CXCL16: variants seen among roughly 807,000 people sequenced by gnomAD.
CXCL16 encodes the protein C-X-C motif chemokine 16.
In CXCL16, 18 loss-of-function variants were observed where a neutral mutation model predicts 23.8. The observed-to-expected ratio is 0.76, with a 90% confidence interval of 0.52 to 1.12. CXCL16 has a LOEUF of 1.12. Among genes scored for constraint, CXCL16 ranks in the 50% most tolerant of loss-of-function variants. CXCL16 has a pLI of 0.00. For synonymous variants in CXCL16, 123 were observed against 132.5 expected (o/e 0.93, Z 0.49); for missense variants, 297 against 315.4 (o/e 0.94, Z 0.44).
chr17:4,739,613 C>G lies in CXCL16; in HGVS notation c.-274G>C. 1 of 668,246 alleles carries G rather than the reference C, an allele frequency of 1.5e-6. No individual in the cohort carries two copies. Among genetic ancestry groups the G allele is most frequent in the South Asian group, 2.2e-5 (1 of 45,498 alleles). The allele number at this position is 668,246 out of a possible 1,614,324, so 41.4% of individuals were successfully genotyped here. A position where few individuals can be genotyped will look rare whatever the true frequency, so the allele number is the denominator to read the frequency against. ...CCCTGCGCCCCCGCACTGGGCCCGG[C>G]TCCGTCGAGGGAAGGCCAGGAATCT... On this transcript the variant is annotated 5_prime_UTR_variant, in exon 1 of 6. Transcript: ENST00000293778. The surrounding 1 kb of genome is among the most constrained non-coding windows in gnomAD (Gnocchi z 5.3).
Position 4,739,365 on chromosome 17 carries a change from G to C in CXCL16, c.-26C>G, listed in dbSNP as rs777494621. The C allele has an allele frequency of 6.2e-7, 1 of 1,612,874 alleles. No homozygotes were observed. The highest frequency in any genetic ancestry group is 1.3e-5 in the African/African-American group (1 of 74,904). On this transcript the variant is annotated 5_prime_UTR_variant, in exon 1 of 6. The change creates a new upstream start codon in the 5' untranslated region. Coordinates refer to ENST00000293778, the MANE Select transcript of CXCL16 (RefSeq NM_001386809.1). This position sits in a 1 kb window ranked among gnomAD's most constrained non-coding sequence, Gnocchi z 5.3. ...CTCGGGGCTCCGCGGACTCTGCGGG[G>C]ATGGAGCCACCTCGCTCTGACTCCC...
At position 4,738,869 on chromosome 17, in the gene CXCL16, A is replaced by T. The variant is rs753268962; in HGVS notation, c.131T>A (p.Ile44Asn). The T allele has an allele frequency of 6.2e-7, 1 of 1,614,080 alleles. No homozygotes were observed. Among genetic ancestry groups the T allele is most frequent in the Non-Finnish European group, 8.5e-7 (1 of 1,179,992 alleles). The change falls in exon 2 of 6, where the codon ATT becomes AAT. Residue 44 changes from isoleucine to asparagine, a missense_variant. Transcript: ENST00000293778. This position sits in a 1 kb window ranked among gnomAD's most constrained non-coding sequence, Gnocchi z 4.0. ...VTGSCYCGKR[I>N]SSDSPPSVQF... ...AACCGATGGCGGGGAGTCGGAAGAA[A>T]TTCTTTTACCACAATAACAACTTCC...
chr17:4,737,904 G>T (rs1427929142), intron 3 of CXCL16, among the ~76,000 whole-genome samples: 2 of 151,032 alleles, frequency 1.3e-5, no homozygotes, highest in Admixed American at 1.3e-4. Flanking sequence ...GGCCGAGGCG[G>T]GTGGATCACA....
At chr17:4,736,588 C>T (rs1400210303) in intron 3 of CXCL16, among the ~76,000 whole-genome samples, 2 of 152,118 alleles carry the variant, frequency 1.3e-5, no homozygotes, top group East Asian at 3.9e-4. Context: ...GTGATATCTT[C>T]CAGCTGTAAA....
chr17:4,739,081 TA>T lies in CXCL16; in HGVS notation c.80-162del. ...ATCATCACGCCCCCGACAACATCCA[TA>T]ATCCCGCCCGGAGCCAGGCGTCCCC... On this transcript the variant is annotated intron_variant, in intron 1 of 5. Transcript: ENST00000293778. The surrounding 1 kb of genome is among the most constrained non-coding windows in gnomAD (Gnocchi z 5.3). The T allele has an allele frequency of 8.4e-7, 1 of 1,194,700 alleles. No homozygotes were observed. The highest frequency in any genetic ancestry group is 1.2e-6 in the Non-Finnish European group (1 of 863,024). The allele number at this position is 1,194,700 out of a possible 1,614,324, so 74.0% of individuals were successfully genotyped here.
rs553816451 is a variant in CXCL16 at position 4,734,592 on chromosome 17, C to T, written c.*14G>A. ...ATAAGCCACAGTTTACCCTCACAAG[C>T]TTCCATTCTTGGCTCAGGTATTAGA... On this transcript the variant is annotated 3_prime_UTR_variant, in exon 5 of 6. Transcript: ENST00000293778. 56 of 1,604,126 alleles carry T rather than the reference C, an allele frequency of 3.5e-5. No homozygotes were observed. In the South Asian group the frequency reaches 5.3e-4, roughly 15 times the overall value.
chr17:4,739,820 C>T lies in CXCL16; in HGVS notation c.-481G>A. On this transcript the variant is annotated 5_prime_UTR_variant, in exon 1 of 6. Transcript: ENST00000293778. This position sits in a 1 kb window ranked among gnomAD's most constrained non-coding sequence, Gnocchi z 5.3. Reference sequence around the variant, plus strand: ...GGCACTTTCACTTCCCCGATCCGGGCGCCGCGGGACCCAGCCGCGCTGCAT... The same window carrying T: ...GGCACTTTCACTTCCCCGATCCGGGTGCCGCGGGACCCAGCCGCGCTGCAT... 2 of 992,488 alleles carry T rather than the reference C, an allele frequency of 2.0e-6. No individual in the cohort carries two copies. Among genetic ancestry groups the T allele is most frequent in the Non-Finnish European group, 2.4e-6 (2 of 834,372 alleles). 61.5% of individuals were successfully genotyped at this position (992,488 alleles called of 1,614,324 possible).
At position 4,735,327 on chromosome 17, in the gene CXCL16, G is replaced by C. The variant is rs1417612112; in HGVS notation, c.483C>G (p.Asp161Glu). The C allele has an allele frequency of 6.2e-7, 1 of 1,612,192 alleles. No homozygotes were observed. The highest frequency in any genetic ancestry group is 8.5e-7 in the Non-Finnish European group (1 of 1,178,642). The change falls in exon 4 of 6, where the codon GAC becomes GAG. Residue 161 changes from aspartate (D) to glutamate (E), a missense_variant. By Grantham distance (45) the Asp-to-Glu change is conservative. Transcript: ENST00000293778. ...TTTCATTGGGACGAGTGAGCTCTTT[G>C]TCCGAGGACAGTGATCCTACTGGGA... ...PTLPVGSLSS[D>E]KELTRPNETT... is the part of the protein sequence containing the mutation.
intron 3 of CXCL16, among the ~76,000 whole-genome samples, chr17:4,736,845 C>CA (rs1916168021): frequency 6.6e-6 from 1 of 151,366 alleles, no homozygotes; most frequent in Non-Finnish European, 1.5e-5. Flanking sequence ...AGTTTTCTTT[C>CA]TTTTTTTTTG....
chr17:4,736,057 C>G (rs1567695166), intron 3 of CXCL16, among the ~76,000 whole-genome samples: 1 of 145,016 alleles, frequency 6.9e-6, no homozygotes, highest in Non-Finnish European at 1.5e-5. Flanking sequence ...GCAACAAGAG[C>G]GAAACTCCAT....
chr17:4,737,092 C>T (rs7220938), intron 3 of CXCL16, among the ~76,000 whole-genome samples: 61,675 of 151,732 alleles, frequency 0.41, 13,163 homozygotes, highest in East Asian at 0.6. Flanking sequence ...GCTAGGATTA[C>T]AGGAGTGAGC....
chr17:4,738,621 TG>T lies in CXCL16; in HGVS notation c.219-132del. Reference sequence around the variant, plus strand: ...TGGGACTGGGAAACTCCCCAGTAGGTGAGACGGAGTCATGAAGTTTCGGGGA... The same window carrying T: ...TGGGACTGGGAAACTCCCCAGTAGGTAGACGGAGTCATGAAGTTTCGGGGA... On this transcript the variant is annotated intron_variant, in intron 2 of 5. Coordinates refer to ENST00000293778, the MANE Select transcript of CXCL16 (RefSeq NM_001386809.1). This position sits in a 1 kb window ranked among gnomAD's most constrained non-coding sequence, Gnocchi z 4.0. The T allele has an allele frequency of 1.0e-6, 1 of 983,040 alleles. No homozygotes were observed. Among genetic ancestry groups the T allele is most frequent in the Non-Finnish European group, 1.5e-6 (1 of 659,384 alleles). The allele number at this position is 983,040 out of a possible 1,614,324, so 60.9% of individuals were successfully genotyped here.
rs1211118402 is a variant in CXCL16 at position 4,739,127 on chromosome 17, C to T, written c.79+134G>A. 10 of 1,303,850 alleles carry T rather than the reference C, an allele frequency of 7.7e-6. No individual in the cohort carries two copies. The highest frequency in any genetic ancestry group is 1.1e-5 in the Non-Finnish European group (10 of 949,340). 80.8% of individuals were successfully genotyped at this position (1,303,850 alleles called of 1,614,324 possible). A position where few individuals can be genotyped will look rare whatever the true frequency, so the allele number is the denominator to read the frequency against. ...GTCCCCGGGCCTCTGTCCCCAACCCCAGGCGGCTGGCTGGCTTTCCTCTTG... is the reference window on the plus strand; with the variant it reads ...GTCCCCGGGCCTCTGTCCCCAACCCTAGGCGGCTGGCTGGCTTTCCTCTTG... On this transcript the variant is annotated intron_variant, in intron 1 of 5. Transcript: ENST00000293778. This position sits in a 1 kb window ranked among gnomAD's most constrained non-coding sequence, Gnocchi z 5.3.
At chr17:4,737,572 CA>C (rs1374679553) in intron 3 of CXCL16, among the ~76,000 whole-genome samples, 1 of 72,638 alleles carries the variant, frequency 1.4e-5, no homozygotes, top group South Asian at 5.8e-4. Flanking sequence ...AGCAAGACTC[CA>C]TTAAAAAAAA....
At chr17:4,737,902 C>T (rs1183806329) in intron 3 of CXCL16, among the ~76,000 whole-genome samples, 3 of 151,162 alleles carry the variant, frequency 2.0e-5, no homozygotes, top group Non-Finnish European at 2.9e-5. Flanking sequence ...GAGGCCGAGG[C>T]GGGTGGATCA....
In CXCL16 at chr17:4,738,523, G is replaced by C. The variant is rs758736278; in HGVS notation, c.219-33C>G. On this transcript the variant is annotated intron_variant, in intron 2 of 5. Coordinates refer to ENST00000293778, the MANE Select transcript of CXCL16 (RefSeq NM_001386809.1). This position sits in a 1 kb window ranked among gnomAD's most constrained non-coding sequence, Gnocchi z 4.0. ...GGAGAGACCTGGGCTTAGCTGCGGC[G>C]CCTTCTTTCCTTCCCCGGCTCCTTC... 29 of 1,534,626 alleles carry C rather than the reference G, an allele frequency of 1.9e-5. No individual in the cohort carries two copies. Among genetic ancestry groups the C allele is most frequent in the Non-Finnish European group, 2.5e-5 (28 of 1,112,152 alleles).
chr17:4,735,540 A>AT, intron 3 of CXCL16, 32 bp from the exon 4 acceptor site: 2 of 1,482,062 alleles, frequency 1.3e-6, no homozygotes, highest in Non-Finnish European at 1.8e-6. Flanking sequence ...AATCAGGACT[A>AT]TCAGGAGACA....
Position 4,735,511 on chromosome 17 carries a change from G to A in CXCL16, c.302-3C>T, listed in dbSNP as rs182718389. ...CCCCGAGTAAGCATGTCCACATTCTGGAAAGGAAAGAAATGAGGAATCAGG... is the reference window on the plus strand; with the variant it reads ...CCCCGAGTAAGCATGTCCACATTCTAGAAAGGAAAGAAATGAGGAATCAGG... On this transcript the variant is annotated splice_region_variant and splice_polypyrimidine_tract_variant and intron_variant, in intron 3 of 5. Coordinates refer to ENST00000293778, the MANE Select transcript of CXCL16 (RefSeq NM_001386809.1). 1 of 1,499,540 alleles carries A rather than the reference G, an allele frequency of 6.7e-7. No individual in the cohort carries two copies. The highest frequency in any genetic ancestry group is 2.3e-5 in the East Asian group (1 of 43,424). The allele number at this position is 1,499,540 out of a possible 1,614,324, so 92.9% of individuals were successfully genotyped here.
rs952158573 is a variant in CXCL16 at position 4,738,207 on chromosome 17, A to G, written c.301+201T>C. On this transcript the variant is annotated intron_variant, in intron 3 of 5. Transcript: ENST00000293778. This position sits in a 1 kb window ranked among gnomAD's most constrained non-coding sequence, Gnocchi z 4.0. ...GACAATAGCACACGTGGTAGAATGA[A>G]TTGGCAAAACTCATGAAGGTGATGG... 2.6e-5 allele frequency among the ~76,000 whole-genome samples: 4 copies of G among 152,226 alleles called. No homozygotes were observed. Among genetic ancestry groups the G allele is most frequent in the Non-Finnish European group, 4.4e-5 (3 of 68,036 alleles).
Sources: allele counts gnomAD v4.1 joint callset (sites outside exome capture counted in the v4.1 genomes callset), GRCh38; gene constraint gnomAD v4.1.1; non-coding constraint Gnocchi (gnomAD v3.1); transcripts MANE v1.5; gene names NCBI Gene and HGNC (gene_info 2026-07-23, HGNC 2026-07-21).